ADCY7: variants seen among roughly 807,000 people sequenced by gnomAD.
The protein encoded by ADCY7 is adenylate cyclase type 7.
In ADCY7, 72 loss-of-function variants were observed where a neutral mutation model predicts 120.6. That is an observed-to-expected ratio of 0.60 (90% CI 0.49 to 0.73). The LOEUF (loss-of-function observed/expected upper bound fraction) is 0.73, where lower values mean the gene tolerates loss of function less well. Ranked by LOEUF, ADCY7 falls within the 30% of genes least tolerant of loss-of-function variation. ADCY7 has a pLI of 0.00. For synonymous variants in ADCY7, 661 were observed against 628.0 expected (o/e 1.05, Z -0.78); for missense variants, 1,227 against 1,486.0 (o/e 0.83, Z 2.87).
intron 14 of ADCY7, among the ~76,000 whole-genome samples, chr16:50,306,455 C>A (rs1445605318): frequency 2.0e-5 from 3 of 152,124 alleles, no homozygotes; most frequent in Non-Finnish European, 4.4e-5. Flanking sequence ...AGGAAACCTG[C>A]TGGCCAAGTG....
At chr16:50,280,883 T>C (rs2034214652) in intron 1 of ADCY7, among the ~76,000 whole-genome samples, 1 of 152,120 alleles carries the variant, frequency 6.6e-6, no homozygotes, top group Non-Finnish European at 1.5e-5. Context: ...GTGGCTAAGC[T>C]GGGACTGGAA....
chr16:50,312,108 A>C lies in ADCY7; in HGVS notation c.2521A>C (p.Met841Leu), dbSNP rs763952856. The C allele has an allele frequency of 6.2e-7, 1 of 1,614,238 alleles. No individual in the cohort carries two copies. ...GAAGGAGCACGAGGAGTTTGAGACCATGGAGAACGTGAACCGCCTTCTTCT... is the reference window on the plus strand; with the variant it reads ...GAAGGAGCACGAGGAGTTTGAGACCCTGGAGAACGTGAACCGCCTTCTTCT... ...FKKEHEEFETMENVNRLLLEN... is the reference protein window; with the variant it reads ...FKKEHEEFETLENVNRLLLEN... The change falls in exon 21 of 26, where the codon ATG (methionine) becomes CTG (leucine). Residue 841 changes from methionine to leucine, a missense_variant. By Grantham distance (15) the Met-to-Leu change is conservative. Transcript: ENST00000673801.
At chr16:50,308,007 A>C (rs1200182427) in intron 15 of ADCY7, among the ~76,000 whole-genome samples, 2 of 151,972 alleles carry the variant, frequency 1.3e-5, no homozygotes, top group Non-Finnish European at 1.5e-5. Context: ...AAAAAAAAAA[A>C]AAAAAAAAAC....
chr16:50,312,276 C>T, intron 21 of ADCY7, 85 bp downstream of exon 21: 2 of 1,499,236 alleles, frequency 1.3e-6, no homozygotes, highest in South Asian at 2.4e-5. Context: ...AGCTGGAGTG[C>T]ATGCTGAGCT....
chr16:50,282,882 A>T (rs1342949182), intron 1 of ADCY7, among the ~76,000 whole-genome samples: 1 of 152,068 alleles, frequency 6.6e-6, no homozygotes, highest in African/African-American at 2.4e-5. Flanking sequence ...GGCTAATTAA[A>T]AAAAAAATAA....
intron 23 of ADCY7, 54 bp downstream of exon 23, chr16:50,314,116 C>T: frequency 6.6e-7 from 1 of 1,516,012 alleles, no homozygotes; most frequent in Non-Finnish European, 9.1e-7. Context: ...TAAAGGTGAC[C>T]TGTCACCTTA....
chr16:50,245,072 CG>C (rs1404126003), upstream of ADCY7, among the ~76,000 whole-genome samples: 2 of 152,178 alleles, frequency 1.3e-5, no homozygotes, highest in East Asian at 3.9e-4. Context: ...AGGCCCACCG[CG>C]GGGGGCAACG....
intron 10 of ADCY7, among the ~76,000 whole-genome samples, chr16:50,302,186 G>T (rs1334401334): frequency 7.0e-6 from 1 of 143,572 alleles, no homozygotes; most frequent in East Asian, 2.3e-4. Context: ...GGTGGCACCC[G>T]CAGGTCCCTG....
Position 50,301,086 on chromosome 16 carries a change from G to C in ADCY7, c.1240G>C (p.Val414Leu). 6.2e-7 allele frequency: 1 copy of C among 1,613,590 alleles called. No homozygotes were observed. Among genetic ancestry groups the C allele is most frequent in the Non-Finnish European group, 8.5e-7 (1 of 1,179,774 alleles). Reference protein sequence around the residue: ...RMEAAGVPGRVHITEATLKHL... With the variant: ...RMEAAGVPGRLHITEATLKHL... ...CCTGACTTGGGTCTCCCGTAGCCGG[G>C]TGCACATCACGGAGGCCACGCTAAA... is the stretch of plus-strand genomic sequence containing the variant. The change falls in exon 10 of 26, where the codon GTG (valine) becomes CTG (leucine). Residue 414 changes from valine (V) to leucine (L), a missense_variant. Val to Leu is a conservative substitution (Grantham distance 32, BLOSUM62 1). This residue lies in a region of ADCY7 where 332 missense variants were observed against 455.8 expected (regional missense o/e 0.73). Transcript: ENST00000673801.
chr16:50,249,038 T>G (rs2032674509), intron 1 of ADCY7, among the ~76,000 whole-genome samples: 1 of 152,250 alleles, frequency 6.6e-6, no homozygotes, highest in Non-Finnish European at 1.5e-5. Flanking sequence ...GAGTGCTTTC[T>G]GCTCTCTGCG....
upstream of ADCY7, among the ~76,000 whole-genome samples, chr16:50,265,731 C>T (rs975621808): frequency 2.6e-5 from 4 of 152,182 alleles, no homozygotes; most frequent in Non-Finnish European, 5.9e-5. Flanking sequence ...TTGAGGAGCT[C>T]GTAATCCCAG....
intron 2 of ADCY7, among the ~76,000 whole-genome samples, chr16:50,289,917 A>C (rs2034830019): frequency 1.3e-5 from 2 of 152,184 alleles, no homozygotes. Flanking sequence ...GATGCTTGCT[A>C]CTGTGTGCCA....
intron 1 of ADCY7, among the ~76,000 whole-genome samples, chr16:50,248,867 G>T (rs1158684305): frequency 6.6e-6 from 1 of 152,142 alleles, no homozygotes; most frequent in Non-Finnish European, 1.5e-5. Flanking sequence ...CTAACAGAAC[G>T]GCCTGGGACT....
chr16:50,286,445 AAGAG>A (rs1555519812), intron 1 of ADCY7, among the ~76,000 whole-genome samples: 2 of 150,398 alleles, frequency 1.3e-5, no homozygotes, highest in African/African-American at 2.4e-5. Context: ...AAAAAAAAAA[AAGAG>A]AGAAAGAAAA....
intron 23 of ADCY7, 43 bp downstream of exon 23, chr16:50,314,105 T>A: frequency 6.3e-7 from 1 of 1,579,980 alleles, no homozygotes; most frequent in Non-Finnish European, 8.7e-7. Flanking sequence ...CTGTCCTCAC[T>A]TAAAGGTGAC....
intron 21 of ADCY7, 29 bp downstream of exon 21, chr16:50,312,220 C>T (rs371617406): frequency 1.5e-5 from 24 of 1,611,492 alleles, no homozygotes; most frequent in East Asian, 2.2e-5. Flanking sequence ...GGGGCGGGGG[C>T]AGGGAGGCGG....
chr16:50,288,628 C>T (rs1192288591), intron 2 of ADCY7, among the ~76,000 whole-genome samples: 1 of 152,076 alleles, frequency 6.6e-6, no homozygotes, highest in African/African-American at 2.4e-5. Flanking sequence ...CAGGTGCATG[C>T]CACCATGCCC....
In ADCY7 at chr16:50,297,959, T is replaced by C. The variant is rs959311013; in HGVS notation, c.949-945T>C. Among the ~76,000 whole-genome samples the C allele has an allele frequency of 6.6e-6, 1 of 151,882 alleles. No individual in the cohort carries two copies. The highest frequency in any genetic ancestry group is 2.4e-5 in the African/African-American group (1 of 41,324). ...GCCCCACCCATGAGGCCTCGGTGCA[T>C]GTGGCCACCCTTGCTGAGGGCTTAA... On this transcript the variant is annotated intron_variant, in intron 7 of 25. Coordinates refer to ENST00000673801, the MANE Select transcript of ADCY7 (RefSeq NM_001114.5). This position sits in a 1 kb window ranked among gnomAD's most constrained non-coding sequence, Gnocchi z 4.4.
At chr16:50,272,770 C>T (rs373595570) in intron 1 of ADCY7, among the ~76,000 whole-genome samples, 17 of 152,074 alleles carry the variant, frequency 1.1e-4, no homozygotes, top group Non-Finnish European at 1.8e-4. Flanking sequence ...GATGAGACCT[C>T]CTTCTGTGTG....
Sources: gnomAD v4.1 joint callset for allele counts (sites outside exome capture counted in the v4.1 genomes callset) on GRCh38, gnomAD v4.1.1 for gene constraint, gnomAD v4.1.1 regional missense constraint, Gnocchi (gnomAD v3.1) non-coding constraint, MANE v1.5 for transcripts, NCBI Gene and HGNC (gene_info 2026-07-23, HGNC 2026-07-21) for gene names.